The following KHDRBS2 variants were observed in gnomAD, a reference collection of about 807,000 sequenced individuals.
KHDRBS2 encodes the protein KH RNA binding domain containing, signal transduction associated 2.
Under a neutral mutation model 44.3 loss-of-function variants are expected in KHDRBS2, and 26 were observed. The ratio of observed to expected loss-of-function variants is 0.59; its 90% CI spans 0.43 to 0.81. The LOEUF (loss-of-function observed/expected upper bound fraction) is 0.81. Among genes scored for constraint, KHDRBS2 ranks in the 40% least tolerant of loss-of-function variants. The pLI is 0.00. For synonymous variants in KHDRBS2, 194 were observed against 151.1 expected, an observed-to-expected ratio of 1.28 and a Z score of -2.08; for missense variants, 476 against 433.1, an observed-to-expected ratio of 1.10 and a Z score of -0.88.
chr6:62,206,140 A>G (rs1827924422), intron 1 of KHDRBS2, among the ~76,000 whole-genome samples: 2 of 152,162 alleles, frequency 1.3e-5, no homozygotes, highest in Non-Finnish European at 2.9e-5. Flanking sequence ...TACAACAGAG[A>G]ACCTCACTAA....
At chr6:61,822,994 G>GT (rs368791927) in intron 6 of KHDRBS2, among the ~76,000 whole-genome samples, 82 of 151,388 alleles carry the variant, frequency 5.4e-4, no homozygotes, top group Non-Finnish European at 6.3e-4. Context: ...TATGTGGGTA[G>GT]TTTTTTTTTA....
chr6:62,264,123 T>C (rs183326742), intron 1 of KHDRBS2, among the ~76,000 whole-genome samples: 1 of 151,926 alleles, frequency 6.6e-6, no homozygotes, highest in East Asian at 1.9e-4. Flanking sequence ...AGAAAAAAGA[T>C]GTAAACAATA....
rs556612697 is a variant in KHDRBS2, at chr6:62,173,128, A to G, written c.219+4057T>C. On this transcript the variant is annotated intron_variant, in intron 2 of 8. Transcript: ENST00000281156. Reference sequence around the variant, plus strand: ...GAAGTTGTAACATGCAAAAAACACAAATGTTCGCGTCCAGGAGTTGGTTCG... The same window carrying G: ...GAAGTTGTAACATGCAAAAAACACAGATGTTCGCGTCCAGGAGTTGGTTCG... Among the ~76,000 whole-genome samples the G allele has an allele frequency of 7.3e-5, 11 of 151,618 alleles. No homozygotes were observed. The South Asian group carries it at 2.3e-3, about 32-fold the overall frequency.
intron 6 of KHDRBS2, among the ~76,000 whole-genome samples, chr6:61,808,654 T>C (rs79203637): frequency 0.047 from 7,224 of 152,172 alleles, 220 homozygotes; most frequent in Middle Eastern, 0.089. Flanking sequence ...GAAATGAATG[T>C]TTTAGGTTAG....
the KHDRBS2 span, among the ~76,000 whole-genome samples, chr6:61,664,958 C>T: frequency 6.6e-6 from 1 of 151,302 alleles, no homozygotes; most frequent in Admixed American, 6.6e-5. Flanking sequence ...AAATATATAC[C>T]TATTGGATAT....
chr6:61,774,861 T>A (rs1340009297), intron 6 of KHDRBS2, among the ~76,000 whole-genome samples: 1 of 151,960 alleles, frequency 6.6e-6, no homozygotes, highest in Non-Finnish European at 1.5e-5. Context: ...TAGACCAATA[T>A]CCCTGATGAA....
At chr6:61,743,410 A>ATT (rs1417992160) in intron 6 of KHDRBS2, among the ~76,000 whole-genome samples, 2 of 152,082 alleles carry the variant, frequency 1.3e-5, no homozygotes, top group Non-Finnish European at 2.9e-5. Flanking sequence ...ACTGTCTAGT[A>ATT]TTTACTCTCT....
chr6:62,042,936 T>C (rs1786865796), intron 3 of KHDRBS2, among the ~76,000 whole-genome samples: 2 of 152,120 alleles, frequency 1.3e-5, no homozygotes, highest in Non-Finnish European at 2.9e-5. Context: ...CATTTCGTAA[T>C]TTCAGCCAAG....
Position 62,233,129 on chromosome 6 carries a change from G to C in KHDRBS2, c.91+52729C>G, listed in dbSNP as rs544748769. On this transcript the variant is annotated intron_variant, in intron 1 of 8. Transcript: ENST00000281156. ...ACTAATTCCCTTGAAGCTAGGAAGA[G>C]GGTAGCTTCCTCAGAACTACAGAGC... 6.9e-4 allele frequency among the ~76,000 whole-genome samples: 105 copies of C among 152,256 alleles called. 1 individual carries two copies. The highest frequency in any genetic ancestry group is 3.4e-3 in the Middle Eastern group (1 of 294).
At chr6:62,259,319 TATC>T (rs1288241948) in intron 1 of KHDRBS2, among the ~76,000 whole-genome samples, 1 of 152,058 alleles carries the variant, frequency 6.6e-6, no homozygotes, top group Non-Finnish European at 1.5e-5. Context: ...TGATTTTTCT[TATC>T]ATTTAGTCCT....
intron 6 of KHDRBS2, chr6:61,817,109 T>C (rs1244549287): frequency 2.7e-6 from 1 of 369,290 alleles, no homozygotes; most frequent in African/African-American, 2.1e-5. Flanking sequence ...TTCTCTAGTT[T>C]TTCTACAAAG....
the KHDRBS2 span, among the ~76,000 whole-genome samples, chr6:61,649,536 C>T: frequency 3.7e-3 from 561 of 152,204 alleles, 2 homozygotes; most frequent in African/African-American, 0.013. Flanking sequence ...TAATCAAATG[C>T]CTATTTATCA....
chr6:61,852,562 C>CA (rs773776834), intron 6 of KHDRBS2, among the ~76,000 whole-genome samples: 4,227 of 69,772 alleles, frequency 0.061, 85 homozygotes, highest in South Asian at 0.17. Flanking sequence ...GACTCCGTCT[C>CA]AAAAAAAAAA....
chr6:62,076,771 A>T (rs1337626940), intron 2 of KHDRBS2, among the ~76,000 whole-genome samples: 1 of 151,882 alleles, frequency 6.6e-6, no homozygotes, highest in South Asian at 2.1e-4. Flanking sequence ...AATAATAAAA[A>T]TAGCTCACAC....
chr6:62,067,975 G>A (rs776841710), intron 2 of KHDRBS2, among the ~76,000 whole-genome samples: 3 of 151,552 alleles, frequency 2.0e-5, no homozygotes, highest in Non-Finnish European at 4.4e-5. Context: ...TGTCCACATT[G>A]TGGCTATTAT....
At chr6:62,127,363 C>G (rs1478311025) in intron 2 of KHDRBS2, among the ~76,000 whole-genome samples, 5 of 152,208 alleles carry the variant, frequency 3.3e-5, no homozygotes, top group African/African-American at 1.2e-4. Flanking sequence ...CTATTAAACT[C>G]CCTCTTAAAC....
At chr6:61,980,149 C>T (rs866223812) in intron 3 of KHDRBS2, among the ~76,000 whole-genome samples, 1 of 152,146 alleles carries the variant, frequency 6.6e-6, no homozygotes, top group African/African-American at 2.4e-5. Context: ...GGAATCACAT[C>T]TTCCATAAGC....
chr6:62,234,046 A>T (rs1439485124), intron 1 of KHDRBS2, among the ~76,000 whole-genome samples: 1 of 152,102 alleles, frequency 6.6e-6, no homozygotes, highest in Non-Finnish European at 1.5e-5. Context: ...TTTAAAAAAA[A>T]AACAACTGGT....
intron 6 of KHDRBS2, among the ~76,000 whole-genome samples, chr6:61,754,964 C>G (rs1162741553): frequency 6.6e-6 from 1 of 151,826 alleles, no homozygotes; most frequent in Non-Finnish European, 1.5e-5. Context: ...ATGTAAATAC[C>G]AAATTTATAA....
Sources: gnomAD v4.1 joint callset for allele counts (sites outside exome capture counted in the v4.1 genomes callset) on GRCh38, gnomAD v4.1.1 for gene constraint, MANE v1.5 for transcripts, NCBI Gene and HGNC (gene_info 2026-07-23, HGNC 2026-07-21) for gene names.